Variants in SEMA3E observed in about 807,000 individuals in gnomAD.
SEMA3E encodes semaphorin-3E.
SEMA3E carries 49 observed loss-of-function variants against 93.6 expected under a neutral mutation model. That is an observed-to-expected ratio of 0.52 (90% CI 0.42 to 0.66). SEMA3E has a LOEUF of 0.66. Among genes scored for constraint, SEMA3E ranks in the 30% least tolerant of loss-of-function variants. SEMA3E has a pLI of 0.00. For missense variants in SEMA3E, 906 were observed against 964.8 expected, an observed-to-expected ratio of 0.94 and a Z score of 0.81; for synonymous variants, 363 against 330.7, an observed-to-expected ratio of 1.10 and a Z score of -1.06.
intron 1 of SEMA3E, among the ~76,000 whole-genome samples, chr7:83,529,647 A>G (rs1791242877): frequency 6.6e-6 from 1 of 152,170 alleles, no homozygotes; most frequent in African/African-American, 2.4e-5. Flanking sequence ...TTATCTGGAA[A>G]GATGTCAGAA....
At chr7:83,527,826 T>C (rs1016071070) in intron 1 of SEMA3E, among the ~76,000 whole-genome samples, 3 of 152,114 alleles carry the variant, frequency 2.0e-5, no homozygotes, top group Non-Finnish European at 4.4e-5. Flanking sequence ...AAACAACTTA[T>C]ATCATTTGTG....
intron 4 of SEMA3E, among the ~76,000 whole-genome samples, chr7:83,424,404 CCA>C (rs1297243618): frequency 6.6e-6 from 1 of 152,086 alleles, no homozygotes; most frequent in Non-Finnish European, 1.5e-5. Context: ...TCATTACATA[CCA>C]CAGAGAGCTC....
intron 1 of SEMA3E, among the ~76,000 whole-genome samples, chr7:83,544,660 T>C (rs1791608625): frequency 6.6e-6 from 1 of 152,164 alleles, no homozygotes; most frequent in Admixed American, 6.6e-5. Flanking sequence ...CTGAAGGTCA[T>C]GATTTACATC....
intron 4 of SEMA3E, among the ~76,000 whole-genome samples, chr7:83,440,600 C>G (rs939978550): frequency 6.6e-6 from 1 of 152,078 alleles, no homozygotes; most frequent in Non-Finnish European, 1.5e-5. Context: ...TTAAACCATT[C>G]CCCTATAATG....
intron 1 of SEMA3E, among the ~76,000 whole-genome samples, chr7:83,643,239 G>C (rs186810320): frequency 2.9e-4 from 44 of 151,994 alleles, no homozygotes; most frequent in East Asian, 1.7e-3. Flanking sequence ...AATCTGACCT[G>C]GATAGCAAAA....
chr7:83,552,527 C>T (rs1009068210), intron 1 of SEMA3E, among the ~76,000 whole-genome samples: 1 of 152,124 alleles, frequency 6.6e-6, no homozygotes, highest in Non-Finnish European at 1.5e-5. Flanking sequence ...CAAAAAGAGC[C>T]ATATTTTTCT....
At chr7:83,507,444 G>GTGTC (rs1790726498) in intron 1 of SEMA3E, among the ~76,000 whole-genome samples, 1 of 146,214 alleles carries the variant, frequency 6.8e-6, no homozygotes, top group Admixed American at 6.8e-5. Flanking sequence ...GTGTGTGTGT[G>GTGTC]TGTGTGTGTG....
At chr7:83,375,451 T>G (rs1427029976) in intron 16 of SEMA3E, among the ~76,000 whole-genome samples, 1 of 152,048 alleles carries the variant, frequency 6.6e-6, no homozygotes, top group Non-Finnish European at 1.5e-5. Flanking sequence ...TGCCTGATAA[T>G]AGTTCAATAT....
chr7:83,502,939 T>C (rs752732913), intron 1 of SEMA3E, among the ~76,000 whole-genome samples: 3 of 152,012 alleles, frequency 2.0e-5, no homozygotes, highest in Non-Finnish European at 2.9e-5. Flanking sequence ...AACTAACTGG[T>C]AGGACTGCCG....
intron 4 of SEMA3E, among the ~76,000 whole-genome samples, chr7:83,454,966 A>G (rs189767058): frequency 7.2e-5 from 11 of 152,316 alleles, no homozygotes; most frequent in Admixed American, 2.0e-4. Flanking sequence ...AAGTATCTAC[A>G]TATTTTCAGA....
At chr7:83,580,828 C>T (rs1792504148) in intron 1 of SEMA3E, among the ~76,000 whole-genome samples, 2 of 151,796 alleles carry the variant, frequency 1.3e-5, no homozygotes, top group African/African-American at 4.8e-5. Context: ...AAATATAAGG[C>T]ACTAAATGCT....
chr7:83,645,361 A>C (rs1260226199), intron 1 of SEMA3E, among the ~76,000 whole-genome samples: 1 of 152,008 alleles, frequency 6.6e-6, no homozygotes, highest in Non-Finnish European at 1.5e-5. Context: ...CTATTCATGA[A>C]CTTTTAAATA....
intron 7 of SEMA3E, among the ~76,000 whole-genome samples, chr7:83,406,818 T>G (rs1288311814): frequency 2.6e-5 from 4 of 152,030 alleles, no homozygotes; most frequent in Admixed American, 2.0e-4. Context: ...TTAAGAAAAA[T>G]AAAGTTCAAA....
chr7:83,613,632 C>T (rs1417015111), intron 1 of SEMA3E, among the ~76,000 whole-genome samples: 3 of 151,978 alleles, frequency 2.0e-5, no homozygotes, highest in Admixed American at 2.0e-4. Flanking sequence ...ATTTTTGATG[C>T]ACATTTCAAT....
chr7:83,506,028 A>ATAT (rs1476328697), intron 1 of SEMA3E, among the ~76,000 whole-genome samples: 2 of 133,358 alleles, frequency 1.5e-5, no homozygotes, highest in African/African-American at 5.9e-5. Context: ...AAAAAAAAAA[A>ATAT]AAAAATATAT....
intron 1 of SEMA3E, among the ~76,000 whole-genome samples, chr7:83,621,784 G>T (rs1053044903): frequency 3.9e-5 from 6 of 152,156 alleles, no homozygotes; most frequent in African/African-American, 1.2e-4. Flanking sequence ...GAATTGGCTA[G>T]CCATATGCAG....
intron 4 of SEMA3E, among the ~76,000 whole-genome samples, chr7:83,455,978 A>C (rs62460815): frequency 0.12 from 17,820 of 152,256 alleles, 1,103 homozygotes; most frequent in Non-Finnish European, 0.14. Context: ...GGAGCCAACT[A>C]AACAGTGCCT....
chr7:83,459,723 T>A (rs1043268322), intron 4 of SEMA3E, among the ~76,000 whole-genome samples: 7 of 152,132 alleles, frequency 4.6e-5, no homozygotes, highest in African/African-American at 9.7e-5. Flanking sequence ...TTGCACGTAT[T>A]CGCCCAGATG....
At chr7:83,585,006 C>T (rs1792594713) in intron 1 of SEMA3E, among the ~76,000 whole-genome samples, 2 of 152,140 alleles carry the variant, frequency 1.3e-5, no homozygotes, top group African/African-American at 4.8e-5. Context: ...TGGCCCCTGC[C>T]TAGGTCATAG....
Sources: gnomAD v4.1 joint callset for allele counts (sites outside exome capture counted in the v4.1 genomes callset) on GRCh38, gnomAD v4.1.1 for gene constraint, MANE v1.5 for transcripts, NCBI Gene and HGNC (gene_info 2026-07-23, HGNC 2026-07-21) for gene names.